FAM76A: variants seen among roughly 807,000 people sequenced by gnomAD.
The protein encoded by FAM76A is family with sequence similarity 76 member A, also known as protein FAM76A.
FAM76A carries 32 observed loss-of-function variants against 46.2 expected under a neutral mutation model. The ratio of observed to expected loss-of-function variants is 0.69; its 90% confidence interval spans 0.52 to 0.93. FAM76A has a LOEUF of 0.93. FAM76A is among the 40% of genes least tolerant of loss of function. The pLI is 0.00. For synonymous variants in FAM76A, 137 were observed against 127.0 expected, an observed-to-expected ratio of 1.08 and a Z score of -0.53; for missense variants, 274 against 361.5, an observed-to-expected ratio of 0.76 and a Z score of 1.96.
chr1:27,753,165 G>A (rs2088357832), intron 6 of FAM76A, among the ~76,000 whole-genome samples: 2 of 152,106 alleles, frequency 1.3e-5, no homozygotes, highest in South Asian at 2.1e-4. Context: ...CAACAAGAGT[G>A]AAACTCTGTC....
chr1:27,743,728 G>A (rs867982547), intron 4 of FAM76A, among the ~76,000 whole-genome samples: 18 of 151,860 alleles, frequency 1.2e-4, no homozygotes, highest in South Asian at 4.2e-4. Flanking sequence ...TCATACCACT[G>A]CTCTCCAGTC....
At chr1:27,731,911 T>A (rs2087963635) in intron 2 of FAM76A, among the ~76,000 whole-genome samples, 1 of 152,054 alleles carries the variant, frequency 6.6e-6, no homozygotes, top group African/African-American at 2.4e-5. Context: ...AACCTCCGCC[T>A]CCCGGGTTCA....
chr1:27,753,144 T>C (rs549037860), intron 6 of FAM76A, among the ~76,000 whole-genome samples: 1 of 152,148 alleles, frequency 6.6e-6, no homozygotes, highest in South Asian at 2.1e-4. Flanking sequence ...GCCATTGCAC[T>C]CCAGCCTAGG....
chr1:27,742,350 G>A (rs745843371), intron 4 of FAM76A, among the ~76,000 whole-genome samples: 40 of 152,152 alleles, frequency 2.6e-4, no homozygotes, highest in Admixed American at 1.9e-3. Context: ...GCTTCAGAGG[G>A]TGGCAGAAGC....
intron 4 of FAM76A, 72 bp from the exon 5 acceptor site, chr1:27,744,582 A>G (rs2088209402): frequency 6.5e-7 from 1 of 1,527,820 alleles, no homozygotes; most frequent in Non-Finnish European, 9.0e-7. Flanking sequence ...CAAAGATTCT[A>G]GCTCCCAATA....
At chr1:27,737,606 C>A (rs2088071822) in intron 4 of FAM76A, among the ~76,000 whole-genome samples, 1 of 151,988 alleles carries the variant, frequency 6.6e-6, no homozygotes, top group Non-Finnish European at 1.5e-5. Flanking sequence ...AATCCCAGCA[C>A]TTTGGGAGGC....
intron 4 of FAM76A, among the ~76,000 whole-genome samples, chr1:27,742,262 C>G (rs1212534656): frequency 6.6e-6 from 1 of 152,130 alleles, no homozygotes; most frequent in African/African-American, 2.4e-5. Flanking sequence ...AAATTCCAAC[C>G]AGCCCTGCTG....
chr1:27,746,096 C>G (rs2088237203), intron 5 of FAM76A, among the ~76,000 whole-genome samples: 1 of 152,030 alleles, frequency 6.6e-6, no homozygotes, highest in Non-Finnish European at 1.5e-5. Flanking sequence ...AGGCTTTTTT[C>G]TAAGAGTTTG....
intron 3 of FAM76A, 48 bp from the exon 4 acceptor site, chr1:27,733,983 G>A (rs758396172): frequency 5.1e-6 from 8 of 1,554,074 alleles, no homozygotes; most frequent in South Asian, 2.4e-5. Context: ...AAATGCAGTG[G>A]TATTTTATGA....
chr1:27,760,554 G>A lies in FAM76A; in HGVS notation c.897G>A (p.Glu299=). Residue 299 remains glutamate, a synonymous_variant, in exon 9 of 9, where the codon GAG becomes GAA. Coordinates refer to ENST00000373954, the MANE Select transcript of FAM76A (RefSeq NM_152660.3). ...CTTTGTCCAAGAGCAAGAAGTCAGAGAAGTCAGGAGCTATAACCTCTCCAT... is the reference window on the plus strand; with the variant it reads ...CTTTGTCCAAGAGCAAGAAGTCAGAAAAGTCAGGAGCTATAACCTCTCCAT... The part of the protein sequence containing the change: ...AAALSKSKKS[E]KSGAITSP 1 of 1,612,268 alleles carries A rather than the reference G, an allele frequency of 6.2e-7. No homozygotes were observed. The highest frequency in any genetic ancestry group is 1.1e-5 in the South Asian group (1 of 90,910).
intron 2 of FAM76A, among the ~76,000 whole-genome samples, chr1:27,730,732 A>T (rs2087942808): frequency 6.6e-6 from 1 of 152,128 alleles, no homozygotes; most frequent in African/African-American, 2.4e-5. Flanking sequence ...TTCTACTCTG[A>T]GGTTTTTCTT....
At chr1:27,739,821 A>C (rs1234246892) in intron 4 of FAM76A, 1 of 139,722 alleles carries the variant, frequency 7.2e-6, no homozygotes, top group African/African-American at 1.0e-4. Context: ...TCATGTTAGC[A>C]ATAAATAAAT....
chr1:27,747,745 G>A lies in FAM76A; in HGVS notation c.513-1323G>A, dbSNP rs116302966. Among the ~76,000 whole-genome samples the A allele has an allele frequency of 9.4e-3, 1,431 of 151,976 alleles. 34 individuals are homozygous for A. Among genetic ancestry groups the A allele is most frequent in the African/African-American group, 0.033 (1,363 of 41,434 alleles). On this transcript the variant is annotated intron_variant, in intron 5 of 8. Transcript: ENST00000373954. ...TAGCTTGGCTCACATGGTGAAACCC[G>A]TCTCTACCAAAAAATACAAAATTAA...
chr1:27,738,194 T>TA (rs2088088517), intron 4 of FAM76A, among the ~76,000 whole-genome samples: 2 of 151,718 alleles, frequency 1.3e-5, no homozygotes, highest in South Asian at 2.1e-4. Context: ...ACTTTGTCTC[T>TA]AAAAAAATAA....
chr1:27,745,728 G>C (rs1997646), intron 5 of FAM76A, among the ~76,000 whole-genome samples: 26,308 of 152,164 alleles, frequency 0.17, 6,004 homozygotes, highest in African/African-American at 0.52. Context: ...AGAAGAGCTG[G>C]CATTAGAGCT....
intron 5 of FAM76A, among the ~76,000 whole-genome samples, chr1:27,747,634 T>C (rs946957545): frequency 1.3e-5 from 2 of 152,132 alleles, no homozygotes; most frequent in Non-Finnish European, 2.9e-5. Flanking sequence ...AGAACTAGAC[T>C]GGCCGGGTGT....
At chr1:27,756,587 G>A (rs902520014) in intron 7 of FAM76A, among the ~76,000 whole-genome samples, 2 of 151,416 alleles carry the variant, frequency 1.3e-5, no homozygotes, top group Non-Finnish European at 2.9e-5. Flanking sequence ...CACTGTGCCC[G>A]GCCTCAGTGT....
At chr1:27,739,540 A>G (rs2088115108) in intron 4 of FAM76A, 4 of 327,814 alleles carry the variant, frequency 1.2e-5, no homozygotes, top group South Asian at 2.6e-5. Flanking sequence ...TAATCGTAGC[A>G]CTTTGGGAGG....
intron 1 of FAM76A, among the ~76,000 whole-genome samples, chr1:27,727,062 T>C (rs1298469375): frequency 2.6e-5 from 4 of 152,142 alleles, no homozygotes; most frequent in Non-Finnish European, 5.9e-5. Flanking sequence ...GAGTGCCCTT[T>C]TTGGCCTCAA....
Sources: allele counts gnomAD v4.1 joint callset (sites outside exome capture counted in the v4.1 genomes callset), GRCh38; gene constraint gnomAD v4.1.1; transcripts MANE v1.5; gene names NCBI Gene and HGNC (gene_info 2026-07-23, HGNC 2026-07-21).